Variants in ABL1 observed in about 807,000 individuals in gnomAD.
The protein encoded by ABL1 is ABL proto-oncogene 1, non-receptor tyrosine kinase, also known as tyrosine-protein kinase ABL1.
Under a neutral mutation model 94.7 loss-of-function variants are expected in ABL1, and 11 were observed. That is an observed-to-expected ratio of 0.12 (90% confidence interval 0.07 to 0.19). The LOEUF (loss-of-function observed/expected upper bound fraction) is 0.19. Among genes scored for constraint, ABL1 ranks in the 10% least tolerant of loss-of-function variants. ABL1 has a pLI of 1.00. For synonymous variants in ABL1, 656 were observed against 622.4 expected, an observed-to-expected ratio of 1.05 and a Z score of -0.80; for missense variants, 1,082 against 1,489.4, an observed-to-expected ratio of 0.73 and a Z score of 4.50.
In ABL1 at chr9:130,865,746, C is replaced by CAAAA. The variant is rs36055589; in HGVS notation, c.822+2730_822+2733dup. Among the ~76,000 whole-genome samples the CAAAA allele has an allele frequency of 2.3e-4, 14 of 61,660 alleles. 1 individual carries two copies. Among genetic ancestry groups the CAAAA allele is most frequent in the African/African-American group, 7.2e-4 (13 of 17,966 alleles). 40.5% of individuals were successfully genotyped at this position (61,660 alleles called of 152,430 possible). On this transcript the variant is annotated intron_variant, in intron 4 of 10. Coordinates refer to ENST00000318560, the MANE Select transcript of ABL1 (RefSeq NM_005157.6). ...GGGGAGCAGAGTGAGACCCTGTCTC[C>CAAAA]AAAAAAAAAAAAAAAAAAAAAAGCT...
chr9:130,886,229 C>T lies in ABL1; in HGVS notation c.*546C>T, dbSNP rs115230463. Reference sequence around the variant, plus strand: ...GGAAGGGCATGCACGGGCATGCACACGGCTGGTCACTCTGCCCTCTGCTGC... The same window carrying T: ...GGAAGGGCATGCACGGGCATGCACATGGCTGGTCACTCTGCCCTCTGCTGC... On this transcript the variant is annotated 3_prime_UTR_variant, in exon 11 of 11. Transcript: ENST00000318560. 1,516 of 237,352 alleles carry T rather than the reference C, an allele frequency of 6.4e-3. 26 individuals carry two copies. Among genetic ancestry groups the T allele is most frequent in the African/African-American group, 0.029 (1,330 of 45,506 alleles). 14.7% of individuals were successfully genotyped at this position (237,352 alleles called of 1,614,324 possible). A position where few individuals can be genotyped will look rare whatever the true frequency, so the allele number is the denominator to read the frequency against.
intron 1 of ABL1, among the ~76,000 whole-genome samples, chr9:130,841,169 C>CA (rs1328527947): frequency 4.0e-5 from 6 of 150,354 alleles, no homozygotes; most frequent in Non-Finnish European, 8.9e-5. Flanking sequence ...TTTTTTGAGA[C>CA]AAGAGTCTCA....
intron 1 of ABL1, among the ~76,000 whole-genome samples, chr9:130,762,506 T>C (rs1832129042): frequency 1.3e-5 from 2 of 152,178 alleles, no homozygotes; most frequent in South Asian, 2.1e-4. Context: ...CTGAACACTT[T>C]ACAGGGGTGT....
rs1412621699 is a variant in ABL1 at position 130,862,413 on chromosome 9, T to C, written c.550-350T>C. On this transcript the variant is annotated intron_variant, in intron 3 of 10. Coordinates refer to ENST00000318560, the MANE Select transcript of ABL1 (RefSeq NM_005157.6). The surrounding 1 kb of genome is among the most constrained non-coding windows in gnomAD (Gnocchi z 5.5). Reference sequence around the variant, plus strand: ...AGGATGACCCGTGCCGTGTGATGACTTTAGATTGGGTGGTTGGGGAAGACT... The same window carrying C: ...AGGATGACCCGTGCCGTGTGATGACCTTAGATTGGGTGGTTGGGGAAGACT... Among the ~76,000 whole-genome samples the C allele has an allele frequency of 6.6e-6, 1 of 152,080 alleles. No homozygotes were observed. Among genetic ancestry groups the C allele is most frequent in the Non-Finnish European group, 1.5e-5 (1 of 68,030 alleles).
intron 1 of ABL1, among the ~76,000 whole-genome samples, chr9:130,796,312 C>T (rs191062735): frequency 6.6e-6 from 1 of 152,236 alleles, no homozygotes; most frequent in Admixed American, 6.5e-5. Context: ...TGCTTGAGCC[C>T]AGGAGTTCAA....
chr9:130,718,085 A>T (rs1050471524), intron 1 of ABL1, among the ~76,000 whole-genome samples: 3 of 152,132 alleles, frequency 2.0e-5, no homozygotes, highest in Middle Eastern at 3.4e-3. Flanking sequence ...TGGGAGGATG[A>T]GGCAGGCGGA....
chr9:130,852,080 C>T (rs894796414), intron 1 of ABL1, among the ~76,000 whole-genome samples: 3 of 151,990 alleles, frequency 2.0e-5, no homozygotes, highest in African/African-American at 7.3e-5. Context: ...CGCCGGGCCT[C>T]TCTTTTTAAG....
At chr9:130,768,204 C>G (rs559302904) in intron 1 of ABL1, among the ~76,000 whole-genome samples, 1 of 152,292 alleles carries the variant, frequency 6.6e-6, no homozygotes, top group Non-Finnish European at 1.5e-5. Context: ...CTTGCAGCCT[C>G]TGCTTTTTCT....
rs143451869 is a variant in ABL1, at chr9:130,758,493, C to T, written c.136+44038C>T. Among the ~76,000 whole-genome samples the T allele has an allele frequency of 4.3e-3, 641 of 148,760 alleles. 5 individuals are homozygous for T. The highest frequency in any genetic ancestry group is 0.015 in the African/African-American group (619 of 40,124). On this transcript the variant is annotated intron_variant, in intron 1 of 10. Coordinates refer to the ABL1 transcript ENST00000372348. Reference sequence around the variant, plus strand: ...TGTTGCTCAGGCTGGAATGCAGTGGCGCAGTCTCGACTCACTGTAACCTCC... The same window carrying T: ...TGTTGCTCAGGCTGGAATGCAGTGGTGCAGTCTCGACTCACTGTAACCTCC...
rs111371946 is a variant in ABL1 at position 130,862,903 on chromosome 9, C to A, written c.690C>A (p.Pro230=). 1 of 1,614,184 alleles carries A rather than the reference C, an allele frequency of 6.2e-7. No homozygotes were observed. The change falls in exon 4 of 11, where the codon CCC becomes CCA. Residue 230 remains proline (P), a synonymous_variant. Transcript: ENST00000318560. The surrounding 1 kb of genome is among the most constrained non-coding windows in gnomAD (Gnocchi z 5.5). ...RNKPTVYGVS[P]NYDKWEMERT... ...AGCCCACTGTCTATGGTGTGTCCCC[C>A]AACTACGACAAGTGGGAGATGGAAC...
intron 1 of ABL1, among the ~76,000 whole-genome samples, chr9:130,758,661 G>A (rs1785214796): frequency 6.6e-6 from 1 of 151,778 alleles, no homozygotes; most frequent in African/African-American, 2.4e-5. Context: ...TTGAACTCAT[G>A]ACCTCAAGTG....
At chr9:130,868,462 A>T (rs1831193701) in intron 4 of ABL1, among the ~76,000 whole-genome samples, 2 of 151,034 alleles carry the variant, frequency 1.3e-5, no homozygotes, top group Admixed American at 6.6e-5. Context: ...AGAGCGAGAC[A>T]TTGAAAGCCT....
chr9:130,807,790 A>G (rs1262186718), intron 1 of ABL1, among the ~76,000 whole-genome samples: 4 of 140,422 alleles, frequency 2.8e-5, no homozygotes, highest in East Asian at 4.4e-4. Context: ...CACTGCCTCT[A>G]GGGTTCAAGA....
chr9:130,879,157 G>A (rs34440591), intron 8 of ABL1, among the ~76,000 whole-genome samples: 2,480 of 152,234 alleles, frequency 0.016, 83 homozygotes, highest in African/African-American at 0.057. Flanking sequence ...GATTACAGGC[G>A]TGAGCCACCA....
In ABL1 at chr9:130,733,575, C is replaced by CTTTTT. The variant is rs35185474; in HGVS notation, c.136+19138_136+19142dup. On this transcript the variant is annotated intron_variant, in intron 1 of 10. Coordinates refer to the ABL1 transcript ENST00000372348. The stretch of plus-strand genomic sequence containing the variant: ...CACCACTGCGCCTGGCTGTAAAGCA[C>CTTTTT]TTTTTTTTTTTTTTTTTTTTTTGAG... 2.8e-3 allele frequency among the ~76,000 whole-genome samples: 286 copies of CTTTTT among 103,158 alleles called. 9 individuals carry two copies. The highest frequency in any genetic ancestry group is 7.3e-3 in the African/African-American group (169 of 23,060). The allele number at this position is 103,158 out of a possible 152,430, so 67.7% of individuals were successfully genotyped here.
chr9:130,713,270 G>A (rs1027998340), exon 1 of ABL1, among the ~76,000 whole-genome samples: 2 of 152,172 alleles, frequency 1.3e-5, no homozygotes, highest in Non-Finnish European at 2.9e-5. Flanking sequence ...AGACCCCCGG[G>A]CTTGGGGCAG....
chr9:130,750,402 T>G (rs1831945282), intron 1 of ABL1, among the ~76,000 whole-genome samples: 1 of 7,256 alleles, frequency 1.4e-4, no homozygotes, highest in Non-Finnish European at 2.3e-4. Context: ...CTTCCCTTCC[T>G]CCCTCCCTCC....
upstream of ABL1, chr9:130,833,968 G>A (rs2132905805): frequency 2.2e-6 from 1 of 452,300 alleles, no homozygotes; most frequent in African/African-American, 2.0e-5. Flanking sequence ...TAATCCACTT[G>A]GAATTTATTC....
intron 1 of ABL1, among the ~76,000 whole-genome samples, chr9:130,728,474 C>T (rs548544207): frequency 6.6e-6 from 1 of 151,408 alleles, no homozygotes; most frequent in Non-Finnish European, 1.5e-5. Context: ...CAAGCTCCAC[C>T]TCCTGGGTTC....
Sources: allele counts gnomAD v4.1 joint callset (sites outside exome capture counted in the v4.1 genomes callset), GRCh38; gene constraint gnomAD v4.1.1; non-coding constraint Gnocchi (gnomAD v3.1); transcripts MANE v1.5; gene names NCBI Gene and HGNC (gene_info 2026-07-23, HGNC 2026-07-21).